BCL9: variants seen among roughly 807,000 people sequenced by gnomAD.
BCL9 encodes BCL9 transcription coactivator, also known as B-cell CLL/lymphoma 9 protein.
In BCL9, 25 loss-of-function variants were observed where a neutral mutation model predicts 88.5. That is an observed-to-expected ratio of 0.28 (90% CI 0.21 to 0.39). The LOEUF (loss-of-function observed/expected upper bound fraction) is 0.39. Ranked by LOEUF, BCL9 falls within the 10% of genes least tolerant of loss-of-function variation. The pLI is 1.00. For missense variants in BCL9, 1,817 were observed against 1,877.8 expected (o/e 0.97, Z 0.60); for synonymous variants, 711 against 673.3 (o/e 1.06, Z -0.87).
In BCL9 at chr1:147,619,311, G is replaced by A; in HGVS notation, c.1156G>A (p.Gly386Arg). 1.2e-6 allele frequency: 2 copies of A among 1,614,070 alleles called. No homozygotes were observed. The highest frequency in any genetic ancestry group is 1.7e-6 in the Non-Finnish European group (2 of 1,180,014). ...GAAAGAATTCACAGGAGCACAAAGT[G>A]GGGGACCGCAGCAGAATCCTGGGGT... Reference protein sequence around the residue: ...DEKEFTGAQSGGPQQNPGVLD... With the variant: ...DEKEFTGAQSRGPQQNPGVLD... Residue 386 changes from glycine (G) to arginine (R), a missense_variant, in exon 8 of 10, where the codon GGG becomes AGG. Physicochemically the swap from Gly to Arg is moderately radical, Grantham distance 125. This residue lies in a region of BCL9 where 1,228 missense variants were observed against 1,191.6 expected (regional missense o/e 1.03). Coordinates refer to ENST00000234739, the MANE Select transcript of BCL9 (RefSeq NM_004326.4). The surrounding 1 kb of genome is among the most constrained non-coding windows in gnomAD (Gnocchi z 4.1).
intron 1 of BCL9, among the ~76,000 whole-genome samples, chr1:147,589,864 T>C (rs1656776544): frequency 6.6e-6 from 1 of 152,220 alleles, no homozygotes; most frequent in South Asian, 2.1e-4. Flanking sequence ...AAGTAGAAGT[T>C]CTGAGTCACA....
chr1:147,608,995 C>T (rs1657869521), intron 3 of BCL9, among the ~76,000 whole-genome samples: 1 of 152,158 alleles, frequency 6.6e-6, no homozygotes, highest in African/African-American at 2.4e-5. Context: ...GTGGCACCTG[C>T]CTCCTGGGGT....
intron 1 of BCL9, among the ~76,000 whole-genome samples, chr1:147,549,457 A>C (rs1553194585): frequency 6.6e-6 from 1 of 152,176 alleles, no homozygotes. Flanking sequence ...GTAGTAGCTA[A>C]AGAAGAGAAG....
intron 7 of BCL9, among the ~76,000 whole-genome samples, chr1:147,618,337 T>TA (rs587663544): frequency 9.2e-4 from 140 of 152,262 alleles, no homozygotes; most frequent in Admixed American, 1.6e-3. Flanking sequence ...GCAAGTGACT[T>TA]ACGCTTTCTC....
intron 1 of BCL9, among the ~76,000 whole-genome samples, chr1:147,589,641 C>T (rs1252396081): frequency 6.6e-6 from 1 of 152,180 alleles, no homozygotes; most frequent in East Asian, 1.9e-4. Flanking sequence ...TTTTGAGGTA[C>T]ATCCATGTTG....
rs376091062 is a variant in BCL9, at chr1:147,560,358, G to T, written c.-478+18684G>T. On this transcript the variant is annotated intron_variant, in intron 1 of 9. Coordinates refer to ENST00000234739, the MANE Select transcript of BCL9 (RefSeq NM_004326.4). ...TAATCCCAGCACTTTGGGAGGATGA[G>T]GCGGGTGGATCACCTGAGGTCAGGA... Among the ~76,000 whole-genome samples, 34 of 152,178 alleles carry T rather than the reference G, an allele frequency of 2.2e-4. 1 individual carries two copies. The East Asian group carries it at 3.7e-3, about 16-fold the overall frequency.
Position 147,624,046 on chromosome 1 carries a change from G to A in BCL9, c.3368G>A (p.Gly1123Glu). ...LMSHNPIMGH[G>E]SQEPPMVPQG... ...TCACACAATCCTATCATGGGGCATG[G>A]GTCCCAGGAGCCACCGATGGTACCT... Residue 1123 changes from glycine to glutamate, a missense_variant, in exon 10 of 10, where the codon GGG (glycine) becomes GAG (glutamate). Around this residue, in one of 2 missense-constraint regions of BCL9, gnomAD observed 589 missense variants for 686.2 expected, o/e 0.86. Transcript: ENST00000234739. This position sits in a 1 kb window ranked among gnomAD's most constrained non-coding sequence, Gnocchi z 4.4. 6.2e-7 allele frequency: 1 copy of A among 1,614,020 alleles called. No homozygotes were observed. Among genetic ancestry groups the A allele is most frequent in the Non-Finnish European group, 8.5e-7 (1 of 1,179,916 alleles).
In BCL9 at chr1:147,611,909, C is replaced by T. The variant is rs782501129; in HGVS notation, c.53+20C>T. ...ACAGAGGTAAGGGCTGGGCTGGGGC[C>T]TCTTCCTGCAGCCCCTTGGGGATGC... On this transcript the variant is annotated intron_variant, in intron 4 of 9. Transcript: ENST00000234739. The T allele has an allele frequency of 6.2e-7, 1 of 1,611,158 alleles. No individual in the cohort carries two copies.
At chr1:147,623,036 T>G (rs587627307) in intron 9 of BCL9, among the ~76,000 whole-genome samples, 1 of 151,954 alleles carries the variant, frequency 6.6e-6, no homozygotes, top group South Asian at 2.1e-4. Context: ...ACACCTTCAT[T>G]CCTATACCCA....
At chr1:147,544,531 A>C (rs1422078423) in intron 1 of BCL9, among the ~76,000 whole-genome samples, 1 of 152,212 alleles carries the variant, frequency 6.6e-6, no homozygotes, top group African/African-American at 2.4e-5. Flanking sequence ...TAACATTGTT[A>C]CCTGGATAAT....
chr1:147,557,218 G>A (rs1008533128), intron 1 of BCL9, among the ~76,000 whole-genome samples: 1 of 152,130 alleles, frequency 6.6e-6, no homozygotes, highest in Non-Finnish European at 1.5e-5. Flanking sequence ...CAAAATAACA[G>A]TGACACAACT....
At chr1:147,553,906 A>C (rs1654994957) in intron 1 of BCL9, among the ~76,000 whole-genome samples, 1 of 152,176 alleles carries the variant, frequency 6.6e-6, no homozygotes, top group African/African-American at 2.4e-5. Context: ...AATTTTATGT[A>C]GACAAGTGCA....
chr1:147,613,092 G>C lies in BCL9; in HGVS notation c.263G>C (p.Gly88Ala), dbSNP rs1324204323. ...GPGGSMGLKN[G>A]AGNGAKGKGK... is the part of the protein sequence containing the mutation. ...GGTGGGAGCATGGGGCTGAAGAATG[G>C]GGCTGGAAATGGTGCCAAGGGCAAG... The change falls in exon 5 of 10, where the codon GGG (glycine) becomes GCG (alanine). Residue 88 changes from glycine (G) to alanine (A), a missense_variant. Gly to Ala is a moderately conservative substitution (Grantham distance 60). This residue lies in a region of BCL9 where 1,228 missense variants were observed against 1,191.6 expected (regional missense o/e 1.03). Coordinates refer to ENST00000234739, the MANE Select transcript of BCL9 (RefSeq NM_004326.4). The C allele has an allele frequency of 6.2e-7, 1 of 1,614,044 alleles. No individual in the cohort carries two copies. The highest frequency in any genetic ancestry group is 1.3e-5 in the African/African-American group (1 of 74,936).
rs1438339961 is a variant in BCL9 at position 147,625,090 on chromosome 1, G to C, written c.*131G>C. The stretch of plus-strand genomic sequence containing the variant: ...GAACAGAGACCCGAGGGCTGCTTTG[G>C]GGGAGGGGGGAACTCGAGAATGTAT... On this transcript the variant is annotated 3_prime_UTR_variant, in exon 10 of 10. Transcript: ENST00000234739. The C allele has an allele frequency of 5.4e-6, 6 of 1,109,936 alleles. No individual in the cohort carries two copies. Among genetic ancestry groups the C allele is most frequent in the South Asian group, 4.4e-5 (2 of 45,946 alleles). The allele number at this position is 1,109,936 out of a possible 1,614,324, so 68.8% of individuals were successfully genotyped here.
chr1:147,560,535 A>G (rs150257843), intron 1 of BCL9, among the ~76,000 whole-genome samples: 3 of 150,738 alleles, frequency 2.0e-5, no homozygotes, highest in Non-Finnish European at 2.9e-5. Context: ...TGAACCCGAG[A>G]GGCGGAGGTT....
At position 147,620,613 on chromosome 1, in the gene BCL9, C is replaced by T; in HGVS notation, c.2458C>T (p.Leu820=). ...CAGCCGGCTCAGTCATATGCCACCACTACCTCTCAACCCTTCCAGTAACCC... is the reference window on the plus strand; with the variant it reads ...CAGCCGGCTCAGTCATATGCCACCATTACCTCTCAACCCTTCCAGTAACCC... ...TNSRLSHMPP[L]PLNPSSNPTS... Residue 820 remains leucine (L), a synonymous_variant, in exon 8 of 10, where the codon CTA becomes TTA. Coordinates refer to ENST00000234739, the MANE Select transcript of BCL9 (RefSeq NM_004326.4). The T allele has an allele frequency of 6.2e-7, 1 of 1,614,208 alleles. No homozygotes were observed. Among genetic ancestry groups the T allele is most frequent in the East Asian group, 2.2e-5 (1 of 44,884 alleles).
At chr1:147,592,765 C>A (rs1656898749) in intron 1 of BCL9, among the ~76,000 whole-genome samples, 1 of 152,196 alleles carries the variant, frequency 6.6e-6, no homozygotes, top group African/African-American at 2.4e-5. Flanking sequence ...TAAGAACCAA[C>A]ATTTATCGGG....
At chr1:147,544,536 GATAAT>G (rs1263914064) in intron 1 of BCL9, among the ~76,000 whole-genome samples, 28 of 152,278 alleles carry the variant, frequency 1.8e-4, no homozygotes, top group African/African-American at 6.5e-4. Context: ...TTGTTACCTG[GATAAT>G]TCATGTTGAC....
chr1:147,616,420 T>C (rs939362210), intron 7 of BCL9, among the ~76,000 whole-genome samples: 1 of 152,216 alleles, frequency 6.6e-6, no homozygotes, highest in East Asian at 1.9e-4. Context: ...TTGTAATAAA[T>C]GTTAGTCTGT....
Sources: gnomAD v4.1 joint callset for allele counts (sites outside exome capture counted in the v4.1 genomes callset) on GRCh38, gnomAD v4.1.1 for gene constraint, gnomAD v4.1.1 regional missense constraint, Gnocchi (gnomAD v3.1) non-coding constraint, MANE v1.5 for transcripts, NCBI Gene and HGNC (gene_info 2026-07-23, HGNC 2026-07-21) for gene names.